APTX: variants seen among roughly 807,000 people sequenced by gnomAD.
APTX encodes the protein forkhead-associated domain histidine triad-like protein.
Under a neutral mutation model 42.3 loss-of-function variants are expected in APTX, and 33 were observed. That is an observed-to-expected ratio of 0.78 (90% CI 0.59 to 1.04). The LOEUF is 1.04. Among genes scored for constraint, APTX ranks in the 50% least tolerant of loss-of-function variants. The pLI is 0.00. For missense variants in APTX, 421 were observed against 415.1 expected (o/e 1.01, Z -0.12); for synonymous variants, 130 against 146.7 (o/e 0.89, Z 0.82).
Position 32,987,920 on chromosome 9 carries a change from T to C in APTX, c.181-74A>G, listed in dbSNP as rs891090637. On this transcript the variant is annotated intron_variant, in intron 3 of 7. Transcript: ENST00000379817. ...TACAGTAAGATAGCCACTGCTATGT[T>C]AACCACTTACTATATGCCAAGCACC... The C allele has an allele frequency of 4.2e-5, 66 of 1,569,820 alleles. No individual in the cohort carries two copies. The Admixed American group carries it at 5.5e-4, about 13-fold the overall frequency.
intron 6 of APTX, among the ~76,000 whole-genome samples, chr9:32,977,823 T>C (rs961088146): frequency 6.6e-6 from 1 of 151,620 alleles, no homozygotes; most frequent in Admixed American, 6.6e-5. Flanking sequence ...AGAGTGAGAC[T>C]CTGTCTCAAA....
intron 6 of APTX, among the ~76,000 whole-genome samples, chr9:32,975,096 G>T (rs773900506): frequency 3.3e-5 from 5 of 152,052 alleles, no homozygotes; most frequent in Non-Finnish European, 7.4e-5. Flanking sequence ...AAGAGCAGGG[G>T]CCCTGAGATG....
chr9:33,022,152 G>C (rs1838435280), intron 1 of APTX, among the ~76,000 whole-genome samples: 1 of 151,902 alleles, frequency 6.6e-6, no homozygotes. Context: ...TATATATATA[G>C]ATACTAAGTA....
At position 32,973,487 on chromosome 9, in the gene APTX, G is replaced by A; in HGVS notation, c.*11C>T. The A allele has an allele frequency of 6.2e-7, 1 of 1,613,922 alleles. No homozygotes were observed. ...GGGCCACACCACAGCAGCAGCTCAGGCTCTGCAGAATCACTGTGTCCAGTG... is the reference window on the plus strand; with the variant it reads ...GGGCCACACCACAGCAGCAGCTCAGACTCTGCAGAATCACTGTGTCCAGTG... On this transcript the variant is annotated 3_prime_UTR_variant, in exon 8 of 8. Coordinates refer to ENST00000379817, the MANE Select transcript of APTX (RefSeq NM_001195248.2).
chr9:33,013,964 G>A (rs10971316), intron 1 of APTX, among the ~76,000 whole-genome samples: 63,853 of 152,044 alleles, frequency 0.42, 13,703 homozygotes, highest in African/African-American at 0.48. Context: ...GCAGCTAAAA[G>A]TAACTGAACT....
chr9:32,999,684 G>C (rs1835790796), intron 1 of APTX, among the ~76,000 whole-genome samples: 1 of 152,156 alleles, frequency 6.6e-6, no homozygotes, highest in South Asian at 2.1e-4. Context: ...AAAATAAAAG[G>C]TAACAAACAG....
chr9:32,983,900 A>G (rs568642753), intron 6 of APTX, among the ~76,000 whole-genome samples: 2 of 152,152 alleles, frequency 1.3e-5, no homozygotes, highest in Non-Finnish European at 2.9e-5. Flanking sequence ...CAATTTGGGA[A>G]GAGAAAACAG....
upstream of APTX, among the ~76,000 whole-genome samples, chr9:33,003,892 C>T (rs1253365092): frequency 2.0e-5 from 3 of 152,148 alleles, no homozygotes; most frequent in Non-Finnish European, 2.9e-5. Flanking sequence ...ATACTTTATC[C>T]ATTCATCCAC....
chr9:33,012,688 G>A (rs150677715), intron 1 of APTX, among the ~76,000 whole-genome samples: 1,682 of 152,240 alleles, frequency 0.011, 34 homozygotes, highest in African/African-American at 0.039. Flanking sequence ...CACCCTAGCA[G>A]TTGCTACACA....
chr9:33,018,162 G>A (rs1184146273), intron 1 of APTX, among the ~76,000 whole-genome samples: 1 of 150,358 alleles, frequency 6.7e-6, no homozygotes, highest in Non-Finnish European at 1.5e-5. Flanking sequence ...CCAGGCTGGA[G>A]CGCGGTGGCA....
intron 7 of APTX, 151 bp downstream of exon 7, chr9:32,974,307 C>A: frequency 4.7e-6 from 3 of 635,238 alleles, no homozygotes; most frequent in East Asian, 2.8e-5. Flanking sequence ...TCCAAATAAT[C>A]CAGTTTCTTT....
rs1165902470 is a variant in APTX, at chr9:33,021,856, T to C, written c.-5+3167A>G. Among the ~76,000 whole-genome samples, 3 of 151,324 alleles carry C rather than the reference T, an allele frequency of 2.0e-5. No homozygotes were observed. The Admixed American group carries it at 2.0e-4, about 10-fold the overall frequency. On this transcript the variant is annotated intron_variant, in intron 1 of 6. Coordinates refer to the APTX transcript ENST00000436040. ...AATGGAACAATGATTCCAGATGCAG[T>C]GGCAGGTGTCTGTAGTCCCAAGTAC...
At chr9:33,002,671 T>C (rs956970412), upstream of APTX, among the ~76,000 whole-genome samples, 1 of 152,246 alleles carries the variant, frequency 6.6e-6, no homozygotes, top group African/African-American at 2.4e-5. Context: ...TCTCTTCCAC[T>C]GCAAAACCCC....
At position 32,981,672 on chromosome 9, in the gene APTX, A is replaced by G. The variant is rs111435784; in HGVS notation, c.770+2959T>C. Among the ~76,000 whole-genome samples the G allele has an allele frequency of 9.6e-3, 1,469 of 152,318 alleles. 22 individuals carry two copies. The highest frequency in any genetic ancestry group is 0.034 in the African/African-American group (1,414 of 41,580). On this transcript the variant is annotated intron_variant, in intron 6 of 7. Transcript: ENST00000379817. ...AGTGACACAAGAGCTGACCTAAAGG[A>G]GCTTTCAATAACCAAAGCTGAACAA...
intron 1 of APTX, among the ~76,000 whole-genome samples, chr9:33,000,728 A>T (rs1413670621): frequency 6.6e-6 from 1 of 151,604 alleles, no homozygotes; most frequent in Non-Finnish European, 1.5e-5. Flanking sequence ...TGTCTCACAT[A>T]TGAACAATCC....
intron 1 of APTX, among the ~76,000 whole-genome samples, chr9:32,993,203 T>TCC (rs954812232): frequency 6.6e-5 from 10 of 152,262 alleles, no homozygotes; most frequent in African/African-American, 2.4e-4. Flanking sequence ...GATACTTTAT[T>TCC]CCCCCAAAGT....
At position 32,987,549 on chromosome 9, in the gene APTX, T is replaced by C; in HGVS notation, c.478A>G (p.Lys160Glu). ...PLKKGKDAPIKKESLGHWSQG... is the reference protein window; with the variant it reads ...PLKKGKDAPIEKESLGHWSQG... ...ACCAATCACACTACCCTCACCTTTT[T>C]GATAGGTGCATCTTTTCCCTTCTTT... The change falls in exon 4 of 8, where the codon AAA (lysine) becomes GAA (glutamate). Residue 160 changes from lysine (K) to glutamate (E), a missense_variant. Coordinates refer to ENST00000379817, the MANE Select transcript of APTX (RefSeq NM_001195248.2). 1 of 1,613,836 alleles carries C rather than the reference T, an allele frequency of 6.2e-7. No homozygotes were observed. The highest frequency in any genetic ancestry group is 1.3e-5 in the African/African-American group (1 of 75,066).
intron 1 of APTX, among the ~76,000 whole-genome samples, chr9:33,024,329 G>C: frequency 6.6e-6 from 1 of 152,186 alleles, no homozygotes. Context: ...ATCTTTCTTG[G>C]TGCTAGATAC....
chr9:33,014,468 A>C (rs1399217745), intron 1 of APTX, among the ~76,000 whole-genome samples: 2 of 146,950 alleles, frequency 1.4e-5, no homozygotes, highest in East Asian at 3.9e-4. Flanking sequence ...GCTTAACAAA[A>C]GGATGCATAG....
Sources: gnomAD v4.1 joint callset for allele counts (sites outside exome capture counted in the v4.1 genomes callset) on GRCh38, gnomAD v4.1.1 for gene constraint, MANE v1.5 for transcripts, NCBI Gene and HGNC (gene_info 2026-07-23, HGNC 2026-07-21) for gene names.